ITPR1: variants seen among roughly 807,000 people sequenced by gnomAD.
ITPR1 encodes the protein inositol 1,4,5-trisphosphate-gated calcium channel ITPR1.
ITPR1 carries 96 observed loss-of-function variants against 318.4 expected under a neutral mutation model. That is an observed-to-expected ratio of 0.30 (90% CI 0.26 to 0.36). The LOEUF is 0.36. Among genes scored for constraint, ITPR1 ranks in the 10% least tolerant of loss-of-function variants. ITPR1 has a pLI of 1.00. For synonymous variants in ITPR1, 1,312 were observed against 1,289.9 expected (o/e 1.02, Z -0.37); for missense variants, 2,440 against 3,460.2 (o/e 0.71, Z 7.40).
At chr3:4,778,024 T>C (rs958082278) in intron 48 of ITPR1, among the ~76,000 whole-genome samples, 2 of 152,338 alleles carry the variant, frequency 1.3e-5, no homozygotes, top group Non-Finnish European at 2.9e-5. Context: ...GACTCTCTAT[T>C]ACTCAAACAG....
intron 4 of ITPR1, among the ~76,000 whole-genome samples, chr3:4,601,544 C>T (rs1271274899): frequency 2.0e-5 from 3 of 150,608 alleles, no homozygotes; most frequent in African/African-American, 7.3e-5. Context: ...ACACTGTATG[C>T]AAAAGTTAAC....
At chr3:4,647,070 C>G (rs1332264121) in intron 10 of ITPR1, among the ~76,000 whole-genome samples, 1 of 152,098 alleles carries the variant, frequency 6.6e-6, no homozygotes, top group Non-Finnish European at 1.5e-5. Flanking sequence ...GCCTCTCTTT[C>G]TAGGCAATGT....
intron 44 of ITPR1, chr3:4,750,860 G>A (rs1380338428): frequency 6.6e-6 from 1 of 152,390 alleles, no homozygotes; most frequent in African/African-American, 2.4e-5. Context: ...CTCCCCCATT[G>A]TGTAGCCCCG....
chr3:4,632,566 G>C (rs991640815), intron 5 of ITPR1, among the ~76,000 whole-genome samples: 3 of 152,148 alleles, frequency 2.0e-5, no homozygotes, highest in Admixed American at 6.5e-5. Flanking sequence ...CATGCTTTTA[G>C]TGTAGTATCT....
At chr3:4,763,871 C>T (rs558126242) in intron 44 of ITPR1, among the ~76,000 whole-genome samples, 9 of 152,350 alleles carry the variant, frequency 5.9e-5, no homozygotes, top group African/African-American at 2.2e-4. Context: ...TGTCGCGTGG[C>T]GCTGCTGTCA....
At chr3:4,702,142 A>G (rs893364006) in intron 35 of ITPR1, among the ~76,000 whole-genome samples, 2 of 125,412 alleles carry the variant, frequency 1.6e-5, no homozygotes, top group Non-Finnish European at 3.8e-5. Flanking sequence ...GTCAGTGTCA[A>G]ATTGATTCAG....
chr3:4,645,895 A>C, intron 10 of ITPR1, 167 bp downstream of exon 10: 1 of 638,408 alleles, frequency 1.6e-6, no homozygotes, highest in Non-Finnish European at 2.6e-6. Context: ...GTGTGTGTAT[A>C]TATATAAGTC....
At chr3:4,645,338 C>A (rs1244746407) in intron 8 of ITPR1, 49 bp from the exon 9 acceptor site, 3 of 1,275,892 alleles carry the variant, frequency 2.4e-6, no homozygotes, top group Admixed American at 3.6e-5. Flanking sequence ...CTGGATGACA[C>A]AGTTGTTGTG....
intron 41 of ITPR1, among the ~76,000 whole-genome samples, chr3:4,726,277 G>T (rs903032026): frequency 6.6e-6 from 1 of 150,978 alleles, no homozygotes; most frequent in Non-Finnish European, 1.5e-5. Context: ...TGATCCACCC[G>T]CCTCAGCCTC....
rs544856416 is a variant in ITPR1, at chr3:4,654,346, A to G, written c.996+460A>G. ...TGAGGCTTAGTGCACCTGGCGTGTG[A>G]TTAGATACTCAGCTAATCCGTCCTT... On this transcript the variant is annotated intron_variant, in intron 12 of 61. Transcript: ENST00000649015. Among the ~76,000 whole-genome samples, 274 of 152,318 alleles carry G rather than the reference A, an allele frequency of 1.8e-3. 2 individuals are homozygous for G. Among genetic ancestry groups the G allele is most frequent in the African/African-American group, 6.2e-3 (259 of 41,566 alleles).
Position 4,847,401 on chromosome 3 carries a change from A to AAG in ITPR1, c.*1177_*1178insGA, listed in dbSNP as rs1315920047. ...TTACAAGAGAATCTCTCTGCAAAAA[A>AAG]AAAAAAAACAGTTTAAAAATGCATT... On this transcript the variant is annotated 3_prime_UTR_variant, in exon 62 of 62. Coordinates refer to ENST00000649015, the MANE Select transcript of ITPR1 (RefSeq NM_001378452.1). The AAG allele has an allele frequency of 1.3e-5, 2 of 152,332 alleles. No individual in the cohort carries two copies. The highest frequency in any genetic ancestry group is 4.8e-5 in the African/African-American group (2 of 41,372). 9.4% of individuals were successfully genotyped at this position (152,332 alleles called of 1,614,324 possible). A position where few individuals can be genotyped will look rare whatever the true frequency, so the allele number is the denominator to read the frequency against.
chr3:4,503,266 C>G (rs1476925721), intron 2 of ITPR1, among the ~76,000 whole-genome samples: 1 of 152,056 alleles, frequency 6.6e-6, no homozygotes, highest in Non-Finnish European at 1.5e-5. Flanking sequence ...GGTAGTGAAA[C>G]CAAGCTGCTT....
At chr3:4,656,905 C>T (rs1039188560) in intron 12 of ITPR1, among the ~76,000 whole-genome samples, 9 of 152,216 alleles carry the variant, frequency 5.9e-5, no homozygotes, top group African/African-American at 1.9e-4. Context: ...CCGGGCTGAG[C>T]GCGAGCTGGC....
chr3:4,740,342 C>T (rs1575082809), intron 44 of ITPR1, among the ~76,000 whole-genome samples: 1 of 152,308 alleles, frequency 6.6e-6, no homozygotes, highest in African/African-American at 2.4e-5. Flanking sequence ...AAAGTGTTGA[C>T]TCTTGTCTTT....
At chr3:4,667,325 C>T (rs2093972009) in intron 17 of ITPR1, 52 bp from the exon 18 acceptor site, 1 of 1,397,544 alleles carries the variant, frequency 7.2e-7, no homozygotes, top group Non-Finnish European at 9.9e-7. Flanking sequence ...CTACGCTTAA[C>T]CATATTGTCA....
intron 4 of ITPR1, among the ~76,000 whole-genome samples, chr3:4,568,641 C>A (rs575541123): frequency 6.6e-6 from 1 of 152,004 alleles, no homozygotes; most frequent in Non-Finnish European, 1.5e-5. Context: ...GCAAAGGTAA[C>A]GCAGCCTGCA....
chr3:4,530,029 T>C (rs1270285768), intron 4 of ITPR1, among the ~76,000 whole-genome samples: 1 of 152,204 alleles, frequency 6.6e-6, no homozygotes, highest in Non-Finnish European at 1.5e-5. Context: ...CCTTTAGAAG[T>C]GGACTGGCCT....
At chr3:4,820,169 A>AGC (rs2049601688) in intron 60 of ITPR1, among the ~76,000 whole-genome samples, 1 of 152,042 alleles carries the variant, frequency 6.6e-6, no homozygotes, top group South Asian at 2.1e-4. Context: ...CAATTGTTGA[A>AGC]ACTGGCAAAT....
At chr3:4,576,504 G>A (rs2088679438) in intron 4 of ITPR1, among the ~76,000 whole-genome samples, 1 of 152,184 alleles carries the variant, frequency 6.6e-6, no homozygotes, top group African/African-American at 2.4e-5. Context: ...ATTGGTGGAA[G>A]GCAAATGCTT....
Sources: allele counts gnomAD v4.1 joint callset (sites outside exome capture counted in the v4.1 genomes callset), GRCh38; gene constraint gnomAD v4.1.1; transcripts MANE v1.5; gene names NCBI Gene and HGNC (gene_info 2026-07-23, HGNC 2026-07-21).